Variants in NUDCD3 observed in about 807,000 individuals in gnomAD.
NUDCD3 encodes NudC domain containing 3, also known as nudC domain-containing protein 3.
Under a neutral mutation model 39.7 loss-of-function variants are expected in NUDCD3, and 13 were observed. The ratio of observed to expected loss-of-function variants is 0.33; its 90% CI spans 0.21 to 0.52. NUDCD3 has a LOEUF of 0.52. Among genes scored for constraint, NUDCD3 ranks in the 20% least tolerant of loss-of-function variants. The probability of loss-of-function intolerance (pLI) is 0.96; values close to 1 mark genes in which losing one functional copy is unlikely to be tolerated. For synonymous variants in NUDCD3, 175 were observed against 172.4 expected (o/e 1.02, Z -0.12); for missense variants, 453 against 458.1 (o/e 0.99, Z 0.10).
intron 4 of NUDCD3, among the ~76,000 whole-genome samples, chr7:44,394,552 T>C (rs1287216898): frequency 6.6e-6 from 1 of 152,250 alleles, no homozygotes; most frequent in African/African-American, 2.4e-5. Context: ...CCTTTACGAA[T>C]TTTTTATCTT....
At chr7:44,391,382 C>T (rs191364842) in intron 5 of NUDCD3, among the ~76,000 whole-genome samples, 1 of 152,160 alleles carries the variant, frequency 6.6e-6, no homozygotes, top group African/African-American at 2.4e-5. Flanking sequence ...AGCAACAGGG[C>T]TTGCAGAACC....
intron 3 of NUDCD3, among the ~76,000 whole-genome samples, chr7:44,409,961 T>TG (rs1563168221): frequency 1.3e-5 from 2 of 151,886 alleles, no homozygotes; most frequent in African/African-American, 4.8e-5. Context: ...CAAGCAAACT[T>TG]GAAGACAGGT....
chr7:44,408,925 T>C (rs1156385647), intron 3 of NUDCD3, among the ~76,000 whole-genome samples: 1 of 152,226 alleles, frequency 6.6e-6, no homozygotes, highest in South Asian at 2.1e-4. Flanking sequence ...CTGTAAGACC[T>C]CATTTGCAAG....
chr7:44,422,906 A>G (rs551161562), intron 3 of NUDCD3, among the ~76,000 whole-genome samples: 81 of 152,344 alleles, frequency 5.3e-4, no homozygotes, highest in African/African-American at 1.9e-3. Flanking sequence ...AATACTGGCA[A>G]ACTGAATCCA....
chr7:44,476,345 A>G (rs1266217258), intron 2 of NUDCD3, among the ~76,000 whole-genome samples: 2 of 152,202 alleles, frequency 1.3e-5, no homozygotes, highest in African/African-American at 4.8e-5. Flanking sequence ...AATTCATGTT[A>G]AAGACCTAAC....
At chr7:44,423,656 TG>T (rs1215278127) in intron 3 of NUDCD3, among the ~76,000 whole-genome samples, 1 of 151,650 alleles carries the variant, frequency 6.6e-6, no homozygotes, top group African/African-American at 2.4e-5. Flanking sequence ...CACAAACAAA[TG>T]GAAAAAAAAT....
Position 44,482,561 on chromosome 7 carries a change from T to C in NUDCD3, c.509+2407A>G, listed in dbSNP as rs151012037. ...ATTAAGACTCCATCTCTACAATCAA[T>C]TGATCAATCAATACAAATAAAAAAC... On this transcript the variant is annotated intron_variant, in intron 2 of 5. Transcript: ENST00000355451. 2.2e-4 allele frequency among the ~76,000 whole-genome samples: 33 copies of C among 152,240 alleles called. No homozygotes were observed. In the East Asian group the frequency reaches 6.2e-3, roughly 28 times the overall value.
At position 44,484,950 on chromosome 7, in the gene NUDCD3, C is replaced by G. The variant is rs769328179; in HGVS notation, c.509+18G>C. On this transcript the variant is annotated intron_variant, in intron 2 of 5. Coordinates refer to ENST00000355451, the MANE Select transcript of NUDCD3 (RefSeq NM_015332.4). ...TGTTACGCAAGAAAGAAGGAAGCTGCAAAGTAGAAATTCCCACCTGGGAAG... is the reference window on the plus strand; with the variant it reads ...TGTTACGCAAGAAAGAAGGAAGCTGGAAAGTAGAAATTCCCACCTGGGAAG... 2 of 1,565,030 alleles carry G rather than the reference C, an allele frequency of 1.3e-6. No individual in the cohort carries two copies. The highest frequency in any genetic ancestry group is 3.9e-5 in the Admixed American group (2 of 51,072).
chr7:44,485,033 C>A lies in NUDCD3; in HGVS notation c.444G>T (p.Glu148Asp). 1 of 1,614,226 alleles carries A rather than the reference C, an allele frequency of 6.2e-7. No individual in the cohort carries two copies. Among genetic ancestry groups the A allele is most frequent in the Non-Finnish European group, 8.5e-7 (1 of 1,180,036 alleles). The stretch of plus-strand genomic sequence containing the variant: ...CAGCAACTGCTCCTGGAGCTTCTGC[C>A]TCCTGTGAACCATGGGCCATTTCCT... ...PVKEMAHGSQ[E>D]AEAPGAVAGA... The change falls in exon 2 of 6, where the codon GAG (glutamate) becomes GAT (aspartate). Residue 148 changes from glutamate to aspartate, a missense_variant. Transcript: ENST00000355451.
intron 2 of NUDCD3, among the ~76,000 whole-genome samples, chr7:44,450,531 C>T (rs1188256953): frequency 6.6e-6 from 1 of 152,010 alleles, no homozygotes. Context: ...CTGGCTCACA[C>T]CTGTAATCCT....
At chr7:44,433,600 A>C (rs11770185) in intron 2 of NUDCD3, among the ~76,000 whole-genome samples, 2 of 152,094 alleles carry the variant, frequency 1.3e-5, no homozygotes, top group African/African-American at 4.8e-5. Context: ...ATGGGCACGC[A>C]GTATATATGT....
At chr7:44,431,340 G>A (rs1799358002) in intron 2 of NUDCD3, among the ~76,000 whole-genome samples, 4 of 152,164 alleles carry the variant, frequency 2.6e-5, no homozygotes, top group Admixed American at 2.0e-4. Flanking sequence ...GGGATAACAA[G>A]GTTCTAAATG....
intron 3 of NUDCD3, among the ~76,000 whole-genome samples, chr7:44,423,902 G>A (rs1342221065): frequency 1.3e-5 from 2 of 152,080 alleles, no homozygotes; most frequent in Non-Finnish European, 2.9e-5. Context: ...TATACTACAA[G>A]GCTACAATAA....
intron 2 of NUDCD3, among the ~76,000 whole-genome samples, chr7:44,441,957 C>T (rs182681146): frequency 1.3e-5 from 2 of 152,248 alleles, no homozygotes; most frequent in East Asian, 3.9e-4. Flanking sequence ...AGCACTGGCT[C>T]AGGGCTCATC....
chr7:44,397,838 T>C (rs1372413418), intron 4 of NUDCD3, among the ~76,000 whole-genome samples: 1 of 152,192 alleles, frequency 6.6e-6, no homozygotes, highest in African/African-American at 2.4e-5. Context: ...AAATAACTTA[T>C]GATGATTTAC....
At chr7:44,481,988 G>T (rs1278013622) in intron 2 of NUDCD3, among the ~76,000 whole-genome samples, 5 of 152,156 alleles carry the variant, frequency 3.3e-5, no homozygotes, top group African/African-American at 4.8e-5. Flanking sequence ...TAGACTTCCA[G>T]TATCCAGAAC....
chr7:44,390,564 G>A (rs185390095), intron 5 of NUDCD3, among the ~76,000 whole-genome samples: 100 of 152,282 alleles, frequency 6.6e-4, no homozygotes, highest in African/African-American at 2.3e-3. Context: ...CTTCTAAGGG[G>A]TACATGGTAA....
chr7:44,485,075 C>A lies in NUDCD3; in HGVS notation c.402G>T (p.Gln134His), dbSNP rs115164631. The A allele has an allele frequency of 6.2e-7, 1 of 1,614,008 alleles. No individual in the cohort carries two copies. The highest frequency in any genetic ancestry group is 8.5e-7 in the Non-Finnish European group (1 of 1,179,988). The change falls in exon 2 of 6, where the codon CAG becomes CAT. Residue 134 changes from glutamine (Q) to histidine (H), a missense_variant. By Grantham distance (24) the Gln-to-His change is conservative. Coordinates refer to ENST00000355451, the MANE Select transcript of NUDCD3 (RefSeq NM_015332.4). ...LDGHQEVEKV[Q>H]PPGPVKEMAH... ...CCATTTCCTTCACAGGGCCTGGAGG[C>A]TGCACTTTCTCTACTTCCTGATGCC...
chr7:44,470,066 T>G (rs188471321), intron 2 of NUDCD3, among the ~76,000 whole-genome samples: 5 of 152,336 alleles, frequency 3.3e-5, no homozygotes, highest in Middle Eastern at 3.4e-3. Flanking sequence ...TATAAAAGAC[T>G]CTAACATTTG....
Sources: allele counts gnomAD v4.1 joint callset (sites outside exome capture counted in the v4.1 genomes callset), GRCh38; gene constraint gnomAD v4.1.1; transcripts MANE v1.5; gene names NCBI Gene and HGNC (gene_info 2026-07-23, HGNC 2026-07-21).